Variants in GCH1 observed in about 807,000 individuals in gnomAD.
The protein encoded by GCH1 is GTP cyclohydrolase I.
GCH1 carries 5 observed loss-of-function variants against 25.9 expected under a neutral mutation model. That is an observed-to-expected ratio of 0.19 (90% CI 0.10 to 0.41). The LOEUF is 0.41. Among genes scored for constraint, GCH1 ranks in the 10% least tolerant of loss-of-function variants. The pLI, the probability that GCH1 is intolerant of heterozygous loss-of-function variation, is 1.00. For missense variants in GCH1, 261 were observed against 336.5 expected (o/e 0.78, Z 1.75); for synonymous variants, 159 against 129.6 (o/e 1.23, Z -1.54).
intron 1 of GCH1, among the ~76,000 whole-genome samples, chr14:54,898,849 C>T (rs1595027247): frequency 6.6e-6 from 1 of 152,182 alleles, no homozygotes; most frequent in African/African-American, 2.4e-5. Flanking sequence ...CTTTCTAACT[C>T]CTAACCTCAA....
chr14:54,894,731 CAT>C (rs1364996104), intron 1 of GCH1, among the ~76,000 whole-genome samples: 1 of 134,570 alleles, frequency 7.4e-6, no homozygotes, highest in Non-Finnish European at 1.5e-5. Flanking sequence ...AAATTCCAAT[CAT>C]ATAATATGTC....
chr14:54,863,221 C>CAT (rs1395903444), intron 2 of GCH1, among the ~76,000 whole-genome samples: 1 of 151,592 alleles, frequency 6.6e-6, no homozygotes, highest in African/African-American at 2.4e-5. Flanking sequence ...AGATCAAGAC[C>CAT]ATCCTGGCTA....
rs1196225675 is a variant in GCH1, at chr14:54,884,790, C to CA, written c.343+17530dup. The CA allele has an allele frequency of 1.9e-3, 257 of 136,714 alleles. 8 individuals are homozygous for CA. The highest frequency in any genetic ancestry group is 6.8e-3 in the African/African-American group (223 of 32,672). The allele number at this position is 136,714 out of a possible 1,614,324, so 8.5% of individuals were successfully genotyped here. A position where few individuals can be genotyped will look rare whatever the true frequency, so the allele number is the denominator to read the frequency against. ...TGTCTCAAAACAACAACAACAACAA[C>CA]AACAACAACAAAAAAAAAGATTACA... On this transcript the variant is annotated intron_variant, in intron 1 of 5. Coordinates refer to ENST00000491895, the MANE Select transcript of GCH1 (RefSeq NM_000161.3).
chr14:54,882,119 C>G (rs3825611), intron 1 of GCH1, among the ~76,000 whole-genome samples: 32,457 of 152,174 alleles, frequency 0.21, 4,806 homozygotes, highest in East Asian at 0.42. Context: ...CACCCTGATG[C>G]AATTACTTTA....
intron 1 of GCH1, among the ~76,000 whole-genome samples, chr14:54,898,546 T>C (rs1270273959): frequency 2.0e-5 from 3 of 152,256 alleles, no homozygotes; most frequent in Non-Finnish European, 2.9e-5. Flanking sequence ...AAAAACACAT[T>C]GTACAGCTGT....
At chr14:54,895,230 C>T (rs1326872734) in intron 1 of GCH1, among the ~76,000 whole-genome samples, 1 of 152,188 alleles carries the variant, frequency 6.6e-6, no homozygotes, top group African/African-American at 2.4e-5. Context: ...GGGGATATGA[C>T]TCACTGCCAG....
chr14:54,876,487 TATA>T (rs916664873), intron 1 of GCH1, among the ~76,000 whole-genome samples: 3 of 145,986 alleles, frequency 2.1e-5, no homozygotes, highest in African/African-American at 7.6e-5. Context: ...AAACTTAAAG[TATA>T]ATAATAAAAA....
intron 1 of GCH1, among the ~76,000 whole-genome samples, chr14:54,899,860 T>A (rs565246078): frequency 4.0e-5 from 6 of 150,208 alleles, no homozygotes; most frequent in Non-Finnish European, 5.9e-5. Context: ...TGTCTCTACA[T>A]CCATGGACTT....
intron 3 of GCH1, among the ~76,000 whole-genome samples, chr14:54,854,610 C>G (rs2039781333): frequency 6.6e-6 from 1 of 152,058 alleles, no homozygotes; most frequent in Non-Finnish European, 1.5e-5. Flanking sequence ...AGACAAATGA[C>G]GAGCTGGGAA....
intron 1 of GCH1, among the ~76,000 whole-genome samples, chr14:54,872,681 A>T (rs1223879800): frequency 6.6e-6 from 1 of 152,164 alleles, no homozygotes; most frequent in Non-Finnish European, 1.5e-5. Context: ...AAACAACAAA[A>T]GGCAGGGGTT....
At chr14:54,849,337 A>G (rs1253554163) in intron 3 of GCH1, among the ~76,000 whole-genome samples, 1 of 150,246 alleles carries the variant, frequency 6.7e-6, no homozygotes, top group Non-Finnish European at 1.5e-5. Context: ...GCTTCCCTAG[A>G]TTAAAAAAAA....
At chr14:54,890,222 G>T (rs2040405927) in intron 1 of GCH1, among the ~76,000 whole-genome samples, 1 of 152,260 alleles carries the variant, frequency 6.6e-6, no homozygotes, top group South Asian at 2.1e-4. Context: ...ACCAGGCCGG[G>T]AGCGGTGGCT....
intron 1 of GCH1, 96 bp downstream of exon 1, chr14:54,902,225 T>C (rs2040577070): frequency 7.4e-7 from 1 of 1,345,866 alleles, no homozygotes; most frequent in Non-Finnish European, 1.0e-6. Flanking sequence ...GCGCCAAAAG[T>C]GAGGCAACTC....
intron 3 of GCH1, among the ~76,000 whole-genome samples, chr14:54,858,435 G>A (rs1287484940): frequency 7.9e-5 from 12 of 151,830 alleles, no homozygotes; most frequent in Admixed American, 3.3e-4. Flanking sequence ...ACAGGTGTGC[G>A]CCACCACGCC....
intron 1 of GCH1, among the ~76,000 whole-genome samples, chr14:54,869,071 C>T (rs1289342641): frequency 6.6e-6 from 1 of 152,016 alleles, no homozygotes; most frequent in African/African-American, 2.4e-5. Flanking sequence ...TGAAGTCTCA[C>T]TCTGTCACCC....
Position 54,843,366 on chromosome 14 carries a change from G to C in GCH1, c.*651C>G. 2 of 1,266,226 alleles carry C rather than the reference G, an allele frequency of 1.6e-6. No individual in the cohort carries two copies. Among genetic ancestry groups the C allele is most frequent in the Non-Finnish European group, 2.0e-6 (2 of 1,008,124 alleles). The allele number at this position is 1,266,226 out of a possible 1,614,324, so 78.4% of individuals were successfully genotyped here. On this transcript the variant is annotated 3_prime_UTR_variant, in exon 6 of 6. Transcript: ENST00000491895. ...GAGAATACACTCGTAAACAACACCA[G>C]GAACTAATTCCCTATTCTTGAATTT...
intron 3 of GCH1, among the ~76,000 whole-genome samples, chr14:54,852,701 C>T (rs1177183892): frequency 6.6e-6 from 1 of 152,182 alleles, no homozygotes; most frequent in Non-Finnish European, 1.5e-5. Context: ...GCCACTTTGC[C>T]TGAAGTCATT....
chr14:54,859,279 GACA>G (rs1453135257), intron 3 of GCH1: 20 of 245,020 alleles, frequency 8.2e-5, no homozygotes, highest in South Asian at 1.7e-4. Flanking sequence ...CCTCAGGCCT[GACA>G]ACAAGTTCGA....
intron 1 of GCH1, among the ~76,000 whole-genome samples, chr14:54,898,108 G>A (rs1216020078): frequency 6.6e-6 from 1 of 152,174 alleles, no homozygotes; most frequent in Non-Finnish European, 1.5e-5. Context: ...GGCCAGGTGG[G>A]ATAGCTCATG....
Sources: allele counts gnomAD v4.1 joint callset (sites outside exome capture counted in the v4.1 genomes callset), GRCh38; gene constraint gnomAD v4.1.1; transcripts MANE v1.5; gene names NCBI Gene and HGNC (gene_info 2026-07-23, HGNC 2026-07-21).